The following CA10 variants were observed in gnomAD, a reference collection of about 807,000 sequenced individuals.
CA10 encodes the protein carbonic anhydrase 10 (inactive), also known as carbonic anhydrase-related protein 10.
Under a neutral mutation model 44.2 loss-of-function variants are expected in CA10, and 14 were observed. The observed-to-expected ratio is 0.32, with a 90% CI of 0.21 to 0.50. The LOEUF is 0.50. Among genes scored for constraint, CA10 ranks in the 20% least tolerant of loss-of-function variants. The pLI is 0.99. For synonymous variants in CA10, 159 were observed against 141.6 expected, an observed-to-expected ratio of 1.12 and a Z score of -0.87; for missense variants, 350 against 409.7, an observed-to-expected ratio of 0.85 and a Z score of 1.26.
At chr17:51,646,391 CA>C (rs1913338716) in intron 6 of CA10, among the ~76,000 whole-genome samples, 1 of 152,034 alleles carries the variant, frequency 6.6e-6, no homozygotes, top group Admixed American at 6.6e-5. Context: ...TCTAAATGAG[CA>C]GAGCAAATTG....
At chr17:51,767,617 G>A (rs1905436159) in intron 3 of CA10, among the ~76,000 whole-genome samples, 1 of 151,990 alleles carries the variant, frequency 6.6e-6, no homozygotes, top group Admixed American at 6.6e-5. Context: ...TGGGATGATC[G>A]AAGCACATTA....
chr17:51,733,955 G>A (rs1365619620), intron 4 of CA10, among the ~76,000 whole-genome samples: 1 of 152,102 alleles, frequency 6.6e-6, no homozygotes, highest in Admixed American at 6.6e-5. Flanking sequence ...GTTTTACCTG[G>A]GAGGTGCAAA....
chr17:51,732,205 GGGA>G (rs1398260325), intron 4 of CA10, among the ~76,000 whole-genome samples: 1 of 152,232 alleles, frequency 6.6e-6, no homozygotes, highest in African/African-American at 2.4e-5. Context: ...ACGAAGGAGA[GGGA>G]GAACAATGTT....
intron 3 of CA10, among the ~76,000 whole-genome samples, chr17:51,849,475 G>T (rs1978694367): frequency 6.6e-6 from 1 of 151,466 alleles, no homozygotes; most frequent in African/African-American, 2.4e-5. Context: ...ATGCTGGAGG[G>T]CTTGGTGCAA....
At chr17:51,637,564 G>A (rs1363048272) in intron 6 of CA10, among the ~76,000 whole-genome samples, 1 of 152,184 alleles carries the variant, frequency 6.6e-6, no homozygotes, top group Non-Finnish European at 1.5e-5. Context: ...AACTCCCAGT[G>A]GGAAAGTACT....
At chr17:51,724,960 C>A (rs1471986770) in intron 4 of CA10, among the ~76,000 whole-genome samples, 1 of 152,232 alleles carries the variant, frequency 6.6e-6, no homozygotes, top group Non-Finnish European at 1.5e-5. Flanking sequence ...AAGGAGCCAG[C>A]TCTGGTAGGA....
intron 4 of CA10, among the ~76,000 whole-genome samples, chr17:51,677,566 C>G (rs772133305): frequency 6.6e-6 from 1 of 151,724 alleles, no homozygotes; most frequent in South Asian, 2.1e-4. Flanking sequence ...TATAGCAATG[C>G]GAGAATGAAC....
At chr17:52,070,358 A>G (rs1215684940) in intron 2 of CA10, 2 of 146,808 alleles carry the variant, frequency 1.4e-5, no homozygotes, top group Non-Finnish European at 3.0e-5. Context: ...ACCAACAACA[A>G]TTGACATATA....
chr17:51,767,976 A>G (rs1368800599), intron 3 of CA10, among the ~76,000 whole-genome samples: 1 of 151,986 alleles, frequency 6.6e-6, no homozygotes, highest in African/African-American at 2.4e-5. Context: ...TAAACTACAG[A>G]CTTTATTTGG....
At chr17:51,846,553 G>A (rs905809468) in intron 3 of CA10, among the ~76,000 whole-genome samples, 1 of 152,228 alleles carries the variant, frequency 6.6e-6, no homozygotes, top group African/African-American at 2.4e-5. Flanking sequence ...TGAAGACACT[G>A]AGGCATAGTA....
At position 52,108,192 on chromosome 17, in the gene CA10, TTTTATATATATATATATA is replaced by T. The variant is rs1314070625; in HGVS notation, c.62-35817_62-35800del. On this transcript the variant is annotated intron_variant, in intron 1 of 8. Transcript: ENST00000451037. The stretch of plus-strand genomic sequence containing the variant: ...TTTAATATATTTTTATATATATATT[TTTTATATATATATATATA>T]TATATATATATATATAATATGTATA... Among the ~76,000 whole-genome samples the T allele has an allele frequency of 2.7e-3, 302 of 113,112 alleles. 3 individuals are homozygous for T. The highest frequency in any genetic ancestry group is 0.012 in the East Asian group (52 of 4,414). The allele number at this position is 113,112 out of a possible 152,430, so 74.2% of individuals were successfully genotyped here. A position where few individuals can be genotyped will look rare whatever the true frequency, so the allele number is the denominator to read the frequency against.
At chr17:51,683,005 G>A (rs1167546742) in intron 4 of CA10, among the ~76,000 whole-genome samples, 1 of 152,164 alleles carries the variant, frequency 6.6e-6, no homozygotes, top group African/African-American at 2.4e-5. Context: ...GAATCCTACT[G>A]TCTGGGGAAA....
rs530185300 is a variant in CA10, at chr17:51,690,401, A to T, written c.466-36665T>A. Among the ~76,000 whole-genome samples the T allele has an allele frequency of 2.0e-5, 3 of 152,280 alleles. No homozygotes were observed. In the South Asian group the frequency reaches 6.2e-4, roughly 32 times the overall value. On this transcript the variant is annotated intron_variant, in intron 4 of 8. Transcript: ENST00000451037. The stretch of plus-strand genomic sequence containing the variant: ...ACCTTCCTCCAGCCTCTGGTAGCCA[A>T]CATTCTTCTCTTCACTTCTATGAGT...
At chr17:51,799,265 A>G (rs1010132473) in intron 3 of CA10, among the ~76,000 whole-genome samples, 15 of 152,236 alleles carry the variant, frequency 9.9e-5, no homozygotes, top group Non-Finnish European at 2.2e-4. Flanking sequence ...ATAAATAACC[A>G]TAAACCCCCA....
chr17:51,739,648 G>C lies in CA10; in HGVS notation c.465+7985C>G, dbSNP rs1904378051. 2.0e-5 allele frequency among the ~76,000 whole-genome samples: 3 copies of C among 152,080 alleles called. No homozygotes were observed. The South Asian group carries it at 6.2e-4, about 32-fold the overall frequency. On this transcript the variant is annotated intron_variant, in intron 4 of 8. Coordinates refer to ENST00000451037, the MANE Select transcript of CA10 (RefSeq NM_020178.5). ...CTGCACTAGTGACTATCCAATACTG[G>C]CAATTCAGGAACTGCTGACTTGATT...
intron 3 of CA10, among the ~76,000 whole-genome samples, chr17:51,897,395 G>C (rs182208816): frequency 2.1e-3 from 320 of 152,060 alleles, no homozygotes; most frequent in Non-Finnish European, 3.5e-3. Flanking sequence ...GCTTTATTTT[G>C]ATCTGTCTAT....
chr17:52,003,843 T>C (rs753522112), intron 2 of CA10, among the ~76,000 whole-genome samples: 1 of 151,894 alleles, frequency 6.6e-6, no homozygotes, highest in South Asian at 2.1e-4. Context: ...CAAATTAGTA[T>C]CTATTTCCAC....
chr17:52,024,524 A>T (rs1366487088), intron 2 of CA10, among the ~76,000 whole-genome samples: 1 of 151,874 alleles, frequency 6.6e-6, no homozygotes, highest in East Asian at 1.9e-4. Context: ...GAGGGGGTAA[A>T]GCTACTGCCA....
intron 3 of CA10, among the ~76,000 whole-genome samples, chr17:51,876,325 C>T (rs1481617328): frequency 6.6e-6 from 1 of 150,616 alleles, no homozygotes; most frequent in Non-Finnish European, 1.5e-5. Flanking sequence ...TGCCACCACA[C>T]CCAGCTACTT....
Sources: allele counts gnomAD v4.1 joint callset (sites outside exome capture counted in the v4.1 genomes callset), GRCh38; gene constraint gnomAD v4.1.1; transcripts MANE v1.5; gene names NCBI Gene and HGNC (gene_info 2026-07-23, HGNC 2026-07-21).